The following LRP1B variants were observed in gnomAD, a reference collection of about 807,000 sequenced individuals.
The protein encoded by LRP1B is low-density lipoprotein receptor-related protein 1B.
Under a neutral mutation model 556.6 loss-of-function variants are expected in LRP1B, and 217 were observed. The observed-to-expected ratio is 0.39, with a 90% CI of 0.35 to 0.44. LRP1B has a LOEUF of 0.44. Ranked by LOEUF, LRP1B falls within the 20% of genes least tolerant of loss-of-function variation. LRP1B has a pLI of 1.00. For missense variants in LRP1B, 5,053 were observed against 5,620.8 expected, an observed-to-expected ratio of 0.90 and a Z score of 3.23; for synonymous variants, 2,047 against 1,865.8, an observed-to-expected ratio of 1.10 and a Z score of -2.50.
At chr2:140,409,504 G>T (rs1394179908) in intron 66 of LRP1B, among the ~76,000 whole-genome samples, 1 of 151,852 alleles carries the variant, frequency 6.6e-6, no homozygotes, top group Admixed American at 6.6e-5. Flanking sequence ...CTTCATTGTA[G>T]TTGATACAGA....
chr2:141,928,069 G>A (rs1161889838), intron 1 of LRP1B, among the ~76,000 whole-genome samples: 4 of 152,004 alleles, frequency 2.6e-5, no homozygotes, highest in African/African-American at 9.7e-5. Context: ...GGGCTATGCT[G>A]TCATTCATTC....
intron 2 of LRP1B, among the ~76,000 whole-genome samples, chr2:141,640,781 G>C (rs1158793170): frequency 6.7e-6 from 1 of 149,204 alleles, no homozygotes; most frequent in Non-Finnish European, 1.5e-5. Flanking sequence ...GTGACAGAGT[G>C]AGACTCTGTC....
chr2:142,078,895 C>CT (rs1471673969), intron 1 of LRP1B, among the ~76,000 whole-genome samples: 8 of 151,986 alleles, frequency 5.3e-5, no homozygotes, highest in Non-Finnish European at 8.8e-5. Flanking sequence ...TGTAGTCTCA[C>CT]ATATAGTAGA....
intron 1 of LRP1B, among the ~76,000 whole-genome samples, chr2:141,892,490 A>G (rs1574469343): frequency 2.5e-5 from 1 of 40,170 alleles, no homozygotes; most frequent in South Asian, 1.0e-3. Context: ...CATCTTTTAC[A>G]CAATAATGCA....
At chr2:141,545,490 G>C (rs766773933) in intron 2 of LRP1B, among the ~76,000 whole-genome samples, 2 of 152,146 alleles carry the variant, frequency 1.3e-5, no homozygotes, top group African/African-American at 4.8e-5. Context: ...TAAGAACCTT[G>C]AGATGAAAAG....
At chr2:141,344,609 C>A (rs1279392714) in intron 3 of LRP1B, among the ~76,000 whole-genome samples, 2 of 152,046 alleles carry the variant, frequency 1.3e-5, no homozygotes, top group Non-Finnish European at 2.9e-5. Context: ...CTTCTCAGCA[C>A]GTATTCTCAT....
chr2:141,369,045 C>T (rs1052481426), intron 3 of LRP1B, among the ~76,000 whole-genome samples: 1 of 151,998 alleles, frequency 6.6e-6, no homozygotes, highest in African/African-American at 2.4e-5. Context: ...CATTATGTTG[C>T]CAATTTGCCC....
chr2:141,064,175 A>G (rs1699416366), intron 7 of LRP1B, among the ~76,000 whole-genome samples: 1 of 151,890 alleles, frequency 6.6e-6, no homozygotes, highest in Admixed American at 6.6e-5. Flanking sequence ...TCTAAAACAG[A>G]GAATTTTCAG....
chr2:141,929,309 A>G (rs1459441016), intron 1 of LRP1B, among the ~76,000 whole-genome samples: 1 of 152,086 alleles, frequency 6.6e-6, no homozygotes, highest in Admixed American at 6.6e-5. Flanking sequence ...CACATAATAC[A>G]TGCACACAAA....
chr2:140,718,621 A>C (rs1687292082), intron 35 of LRP1B, among the ~76,000 whole-genome samples: 1 of 151,904 alleles, frequency 6.6e-6, no homozygotes, highest in African/African-American at 2.4e-5. Flanking sequence ...TCCCAAAGGA[A>C]AAAAAAATGT....
chr2:141,384,906 C>G (rs1689772320), intron 3 of LRP1B, among the ~76,000 whole-genome samples: 1 of 152,180 alleles, frequency 6.6e-6, no homozygotes, highest in Non-Finnish European at 1.5e-5. Flanking sequence ...CCCATCTGCC[C>G]TAAGAACAAA....
intron 4 of LRP1B, among the ~76,000 whole-genome samples, chr2:141,251,090 G>C (rs1362883778): frequency 6.6e-6 from 1 of 152,112 alleles, no homozygotes; most frequent in Non-Finnish European, 1.5e-5. Flanking sequence ...TTTTACTTCT[G>C]GGTTGAGGGG....
chr2:141,597,679 C>A (rs1364914172), intron 2 of LRP1B, among the ~76,000 whole-genome samples: 1 of 151,964 alleles, frequency 6.6e-6, no homozygotes, highest in African/African-American at 2.4e-5. Context: ...TTTCTGGATC[C>A]TTTATTGGAA....
intron 1 of LRP1B, among the ~76,000 whole-genome samples, chr2:142,047,369 T>C (rs138404684): frequency 7.9e-4 from 120 of 151,982 alleles, no homozygotes; most frequent in Middle Eastern, 3.4e-3. Context: ...GTCCACACAC[T>C]TCAATGGAAA....
intron 35 of LRP1B, among the ~76,000 whole-genome samples, chr2:140,766,859 T>TATATATATATATATAATATATATATA (rs1689137196): frequency 2.0e-5 from 1 of 50,210 alleles, no homozygotes; most frequent in African/African-American, 4.5e-5. Context: ...TATATATATA[T>TATATATATATATATAATATATATATA]ATATATAATA....
At chr2:141,539,295 C>T (rs1347374545) in intron 2 of LRP1B, among the ~76,000 whole-genome samples, 1 of 152,120 alleles carries the variant, frequency 6.6e-6, no homozygotes, top group African/African-American at 2.4e-5. Flanking sequence ...AGTTATGATT[C>T]AGCTCTTCCT....
chr2:141,720,355 G>A (rs1692768410), intron 2 of LRP1B, among the ~76,000 whole-genome samples: 1 of 152,084 alleles, frequency 6.6e-6, no homozygotes, highest in Admixed American at 6.6e-5. Context: ...ATGTCACTGA[G>A]TAGAGATGAC....
chr2:141,921,230 C>T (rs2104973590), intron 1 of LRP1B, among the ~76,000 whole-genome samples: 1 of 152,050 alleles, frequency 6.6e-6, no homozygotes, highest in African/African-American at 2.4e-5. Flanking sequence ...GCTTTATGTA[C>T]ATGAATATTT....
intron 2 of LRP1B, among the ~76,000 whole-genome samples, chr2:141,746,371 C>A (rs561063061): frequency 2.6e-5 from 4 of 152,246 alleles, no homozygotes; most frequent in East Asian, 1.9e-4. Context: ...TAAATGCTCC[C>A]TGTGTGGATG....
Sources: gnomAD v4.1 joint callset for allele counts (sites outside exome capture counted in the v4.1 genomes callset) on GRCh38, gnomAD v4.1.1 for gene constraint, MANE v1.5 for transcripts, NCBI Gene and HGNC (gene_info 2026-07-23, HGNC 2026-07-21) for gene names.